The following VPS36 variants were observed in gnomAD, a reference collection of about 807,000 sequenced individuals.
The protein encoded by VPS36 is vacuolar protein-sorting-associated protein 36.
In VPS36, 31 loss-of-function variants were observed where a neutral mutation model predicts 63.5. That is an observed-to-expected ratio of 0.49 (90% CI 0.37 to 0.66). The LOEUF (loss-of-function observed/expected upper bound fraction) is 0.66. Among genes scored for constraint, VPS36 ranks in the 30% least tolerant of loss-of-function variants. The pLI, the probability that VPS36 is intolerant of heterozygous loss-of-function variation, is 0.00. For synonymous variants in VPS36, 138 were observed against 157.2 expected, an observed-to-expected ratio of 0.88 and a Z score of 0.91; for missense variants, 338 against 463.7, an observed-to-expected ratio of 0.73 and a Z score of 2.49.
intron 4 of VPS36, 89 bp from the exon 5 acceptor site, chr13:52,434,971 C>CTT (rs869257101): frequency 6.3e-3 from 5,071 of 802,786 alleles, no homozygotes; most frequent in Middle Eastern, 9.0e-3. Context: ...TTCTTTTTTT[C>CTT]TTTTTTTTTT....
intron 9 of VPS36, 111 bp from the exon 10 acceptor site, chr13:52,423,750 G>A: frequency 1.0e-6 from 1 of 986,490 alleles, no homozygotes; most frequent in Non-Finnish European, 1.5e-6. Context: ...AAATTTTTAA[G>A]AAGCTTATAA....
chr13:52,426,939 T>C, intron 8 of VPS36, 50 bp downstream of exon 8: 2 of 1,268,592 alleles, frequency 1.6e-6, no homozygotes, highest in Non-Finnish European at 2.2e-6. Flanking sequence ...AAAACCTTAC[T>C]GCATTGTGTT....
intron 6 of VPS36, among the ~76,000 whole-genome samples, 157 bp from the exon 7 acceptor site, chr13:52,427,376 C>T (rs1317420346): frequency 1.3e-5 from 2 of 152,200 alleles, no homozygotes; most frequent in Non-Finnish European, 2.9e-5. Context: ...GAGGCCGAGG[C>T]AGGCAGATCA....
chr13:52,444,143 T>A (rs1958309869), intron 1 of VPS36, among the ~76,000 whole-genome samples: 2 of 152,206 alleles, frequency 1.3e-5, no homozygotes, highest in African/African-American at 4.8e-5. Flanking sequence ...AGACTGGAAT[T>A]GTTTTGAGTT....
At chr13:52,430,624 TC>T (rs1256626599) in intron 6 of VPS36, among the ~76,000 whole-genome samples, 1 of 148,250 alleles carries the variant, frequency 6.7e-6, no homozygotes, top group Non-Finnish European at 1.5e-5. Flanking sequence ...AGAGCAAGAC[TC>T]CATCTCAAAA....
chr13:52,418,663 C>T (rs978597500), intron 10 of VPS36, among the ~76,000 whole-genome samples: 4 of 148,092 alleles, frequency 2.7e-5, no homozygotes, highest in African/African-American at 7.5e-5. Context: ...GAACATAGAA[C>T]CAATTCAACA....
chr13:52,446,396 A>C (rs1958344131), intron 1 of VPS36, among the ~76,000 whole-genome samples: 1 of 152,190 alleles, frequency 6.6e-6, no homozygotes, highest in African/African-American at 2.4e-5. Flanking sequence ...CCTATGTTCC[A>C]CTGCTACCTC....
At chr13:52,436,740 A>C (rs1161743410) in intron 3 of VPS36, among the ~76,000 whole-genome samples, 1 of 152,240 alleles carries the variant, frequency 6.6e-6, no homozygotes, top group African/African-American at 2.4e-5. Flanking sequence ...CCCAGAGGTT[A>C]TAAGGGGGCC....
chr13:52,435,651 T>C (rs573547093), intron 4 of VPS36, among the ~76,000 whole-genome samples: 11 of 152,186 alleles, frequency 7.2e-5, no homozygotes, highest in Non-Finnish European at 1.3e-4. Flanking sequence ...AATAATCAAA[T>C]ATATTTTTCA....
intron 7 of VPS36, 24 bp from the exon 8 acceptor site, chr13:52,427,090 GA>G (rs1566084967): frequency 1.2e-6 from 2 of 1,604,976 alleles, no homozygotes. Flanking sequence ...AGTAAAGACT[GA>G]AAAGCACTAT....
intron 1 of VPS36, among the ~76,000 whole-genome samples, chr13:52,448,532 G>T (rs1295635413): frequency 6.6e-6 from 1 of 152,148 alleles, no homozygotes. Context: ...GTTAATTCTG[G>T]ACTAGATCAC....
intron 4 of VPS36, among the ~76,000 whole-genome samples, chr13:52,435,337 A>G (rs1030595395): frequency 6.6e-6 from 1 of 152,148 alleles, no homozygotes; most frequent in Admixed American, 6.5e-5. Context: ...TCTCAGAGAC[A>G]TCAAAGAAAA....
In VPS36 at chr13:52,436,356, A is replaced by C. The variant is rs745647865; in HGVS notation, c.285T>G (p.Pro95=). The C allele has an allele frequency of 1.2e-6, 2 of 1,613,360 alleles. No homozygotes were observed. The highest frequency in any genetic ancestry group is 1.7e-6 in the Non-Finnish European group (2 of 1,179,796). The part of the protein sequence containing the change: ...HLHPAPPNKE[P]GPFQSSKNSY... ...AGTTCTTACTACTCTGGAATGGGCC[A>C]GGTTCTTTGTTAGGAGGAGCTGGGT... The change falls in exon 4 of 14, where the codon CCT becomes CCG. Residue 95 remains proline, a synonymous_variant. Transcript: ENST00000378060.
At position 52,415,312 on chromosome 13, in the gene VPS36, A is replaced by T. The variant is rs183192851; in HGVS notation, c.*518T>A. The T allele has an allele frequency of 2.6e-5, 4 of 152,254 alleles. No individual in the cohort carries two copies. The South Asian group carries it at 8.3e-4, about 31-fold the overall frequency. The allele number at this position is 152,254 out of a possible 1,614,324, so 9.4% of individuals were successfully genotyped here. ...ATAAATATATGTGTCAAATAAAATTATTTCATTTTTAAAGGTATTTTATTT... is the reference window on the plus strand; with the variant it reads ...ATAAATATATGTGTCAAATAAAATTTTTTCATTTTTAAAGGTATTTTATTT... On this transcript the variant is annotated 3_prime_UTR_variant, in exon 14 of 14. Transcript: ENST00000378060.
At chr13:52,435,431 T>A (rs1348934462) in intron 4 of VPS36, among the ~76,000 whole-genome samples, 1 of 150,496 alleles carries the variant, frequency 6.6e-6, no homozygotes, top group African/African-American at 2.4e-5. Context: ...CTATATAAAG[T>A]GGGCTATTCT....
At chr13:52,420,567 A>G (rs1158880757) in intron 10 of VPS36, among the ~76,000 whole-genome samples, 3 of 151,928 alleles carry the variant, frequency 2.0e-5, no homozygotes. Context: ...TTCTGACTTC[A>G]GGCGATCTGC....
intron 8 of VPS36, 103 bp downstream of exon 8, chr13:52,426,868 CAATAAATAAAACATAAAT>C (rs1360962978): frequency 4.6e-6 from 3 of 647,428 alleles, no homozygotes; most frequent in Non-Finnish European, 7.4e-6. Context: ...AATAAATAAA[CAATAAATAAAACATAAAT>C]AATAAATAAA....
intron 6 of VPS36, among the ~76,000 whole-genome samples, chr13:52,427,440 C>G (rs966791913): frequency 1.3e-5 from 2 of 152,040 alleles, no homozygotes; most frequent in African/African-American, 2.4e-5. Context: ...CCCGTCTCTA[C>G]TAAAAATACA....
At chr13:52,432,480 T>C (rs1423234757) in intron 6 of VPS36, among the ~76,000 whole-genome samples, 1 of 152,228 alleles carries the variant, frequency 6.6e-6, no homozygotes, top group Non-Finnish European at 1.5e-5. Flanking sequence ...CTATATGAAC[T>C]GGACAACCAA....
Sources: allele counts gnomAD v4.1 joint callset (sites outside exome capture counted in the v4.1 genomes callset), GRCh38; gene constraint gnomAD v4.1.1; transcripts MANE v1.5; gene names NCBI Gene and HGNC (gene_info 2026-07-23, HGNC 2026-07-21).